The following ABHD12 variants were observed in gnomAD, a reference collection of about 807,000 sequenced individuals.
The protein encoded by ABHD12 is lysophosphatidylserine lipase ABHD12.
In ABHD12, 43 loss-of-function variants were observed where a neutral mutation model predicts 58.3. That is an observed-to-expected ratio of 0.74 (90% CI 0.58 to 0.95). ABHD12 has a LOEUF of 0.95. ABHD12 is among the 40% of genes least tolerant of loss of function. The probability of loss-of-function intolerance (pLI) is 0.00; values close to 1 mark genes in which losing one functional copy is unlikely to be tolerated. For synonymous variants in ABHD12, 219 were observed against 211.2 expected, an observed-to-expected ratio of 1.04 and a Z score of -0.32; for missense variants, 539 against 537.2, an observed-to-expected ratio of 1.00 and a Z score of -0.03.
intron 1 of ABHD12, chr20:25,368,184 A>G (rs993567440): frequency 2.8e-6 from 3 of 1,062,400 alleles, no homozygotes; most frequent in African/African-American, 3.1e-5. Flanking sequence ...CAAAGATTCT[A>G]GGATACTGAG....
At chr20:25,342,666 A>AGC (rs2089470357) in intron 1 of ABHD12, among the ~76,000 whole-genome samples, 1 of 152,090 alleles carries the variant, frequency 6.6e-6, no homozygotes, top group Non-Finnish European at 1.5e-5. Context: ...TGGCACAATT[A>AGC]TAGCTCACTG....
chr20:25,355,803 G>A (rs759275958), intron 1 of ABHD12, among the ~76,000 whole-genome samples: 32 of 152,078 alleles, frequency 2.1e-4, no homozygotes, highest in Admixed American at 1.0e-3. Context: ...GTGATCCACC[G>A]GCCTCAGCCT....
intron 1 of ABHD12, among the ~76,000 whole-genome samples, chr20:25,342,711 A>G (rs1296898601): frequency 6.6e-6 from 1 of 152,020 alleles, no homozygotes; most frequent in Non-Finnish European, 1.5e-5. Flanking sequence ...CCATCCTCCC[A>G]CCTTGGCCTC....
At chr20:25,368,078 T>C (rs977554842) in intron 1 of ABHD12, among the ~76,000 whole-genome samples, 1 of 152,240 alleles carries the variant, frequency 6.6e-6, no homozygotes, top group African/African-American at 2.4e-5. Flanking sequence ...TGTTATTTTG[T>C]TTTTATTCAT....
Position 25,309,547 on chromosome 20 carries a change from A to G in ABHD12, c.648T>C (p.Ser216=), listed in dbSNP as rs770826116. ...RGWGDSVGTP[S]ERGMTYDALH... ...GTGCGTCATAGGTCATGCCCCGCTC[A>G]GATGGCGTTCCCACTGAGTCACCCC... The change falls in exon 7 of 13, where the codon TCT becomes TCC. Residue 216 remains serine (S), a synonymous_variant. Coordinates refer to ENST00000339157, the MANE Select transcript of ABHD12 (RefSeq NM_001042472.3). 2 of 1,614,178 alleles carry G rather than the reference A, an allele frequency of 1.2e-6. No homozygotes were observed. Among genetic ancestry groups the G allele is most frequent in the Non-Finnish European group, 1.7e-6 (2 of 1,180,008 alleles).
chr20:25,309,602 G>A (rs1408062836), intron 6 of ABHD12, 27 bp from the exon 7 acceptor site: 2 of 1,613,424 alleles, frequency 1.2e-6, no homozygotes, highest in African/African-American at 2.7e-5. Context: ...GCAGGACGGG[G>A]AGGTCAAAGG....
At position 25,308,506 on chromosome 20, in the gene ABHD12, G is replaced by GA; in HGVS notation, c.750-13dup. ...GATTTGTCGCCACGCTAGGAAAAAA[G>GA]AAAAACAGCTTAGTTGAGTTATGAT... is the stretch of plus-strand genomic sequence containing the variant. On this transcript the variant is annotated splice_polypyrimidine_tract_variant and intron_variant, in intron 7 of 12. Transcript: ENST00000339157. 2.5e-6 allele frequency: 4 copies of GA among 1,607,472 alleles called. No individual in the cohort carries two copies. The highest frequency in any genetic ancestry group is 3.4e-6 in the Non-Finnish European group (4 of 1,176,688).
At position 25,302,304 on chromosome 20, in the gene ABHD12, T is replaced by C; in HGVS notation, c.1072A>G (p.Lys358Glu). ...AAPARSFRDF[K>E]VQFVPFHSDL... ...GAATGAAAGGGCACAAACTGAACTT[T>C]GAAATCTCGGAAGCTTCGAGCTGGT... Residue 358 changes from lysine to glutamate, a missense_variant, in exon 12 of 13, where the codon AAA becomes GAA. By Grantham distance (56) the Lys-to-Glu change is moderately conservative. Transcript: ENST00000339157. 1 of 1,613,838 alleles carries C rather than the reference T, an allele frequency of 6.2e-7. No homozygotes were observed. Among genetic ancestry groups the C allele is most frequent in the Middle Eastern group, 1.7e-4 (1 of 5,838 alleles).
chr20:25,298,502 G>T (rs1245476788), downstream of ABHD12, among the ~76,000 whole-genome samples: 2 of 152,230 alleles, frequency 1.3e-5, no homozygotes, highest in South Asian at 4.2e-4. Flanking sequence ...TGATCCGCCC[G>T]CCTCAGCCTC....
chr20:25,353,861 C>T (rs920393375), intron 1 of ABHD12, among the ~76,000 whole-genome samples: 4 of 152,210 alleles, frequency 2.6e-5, no homozygotes, highest in African/African-American at 7.2e-5. Context: ...AACGTCAGGC[C>T]GTGGTTTCTG....
intron 11 of ABHD12, chr20:25,303,132 G>A: frequency 3.9e-6 from 3 of 772,610 alleles, no homozygotes; most frequent in Non-Finnish European, 3.4e-6. Flanking sequence ...TTTTGACTGT[G>A]ACCCCTGCAA....
chr20:25,336,451 A>G (rs977366129), intron 2 of ABHD12, among the ~76,000 whole-genome samples: 1 of 152,192 alleles, frequency 6.6e-6, no homozygotes, highest in Non-Finnish European at 1.5e-5. Context: ...ATTTGGTTTC[A>G]GATAGATTTG....
At chr20:25,383,954 C>CAAAAAAAAA (rs1201588127) in intron 1 of ABHD12, among the ~76,000 whole-genome samples, 394 of 52,678 alleles carry the variant, frequency 7.5e-3, no homozygotes, top group East Asian at 0.026. Flanking sequence ...GACTCTTTCT[C>CAAAAAAAAA]AAAAAAAAAA....
chr20:25,358,746 T>A (rs768497357), intron 1 of ABHD12, among the ~76,000 whole-genome samples: 5 of 152,092 alleles, frequency 3.3e-5, no homozygotes, highest in Admixed American at 6.5e-5. Flanking sequence ...CTTGTCCATA[T>A]CGGCCACCCC....
chr20:25,309,316 G>A, intron 7 of ABHD12, 130 bp downstream of exon 7: 1 of 1,346,010 alleles, frequency 7.4e-7, no homozygotes, highest in Non-Finnish European at 1.0e-6. Context: ...CCATGGGGAT[G>A]GGAGCGAGGC....
intron 3 of ABHD12, among the ~76,000 whole-genome samples, chr20:25,321,084 A>G (rs2089057710): frequency 6.6e-6 from 1 of 152,202 alleles, no homozygotes; most frequent in Non-Finnish European, 1.5e-5. Flanking sequence ...TATTTTCTAG[A>G]TCTTAAGCTT....
chr20:25,307,369 C>A (rs1236778746), intron 9 of ABHD12, among the ~76,000 whole-genome samples: 3 of 152,230 alleles, frequency 2.0e-5, no homozygotes, highest in African/African-American at 7.2e-5. Context: ...CAGCATGAGG[C>A]CAGCATGGGC....
downstream of ABHD12, among the ~76,000 whole-genome samples, chr20:25,299,810 G>A (rs150460605): frequency 6.5e-4 from 99 of 152,316 alleles, 1 homozygote; most frequent in East Asian, 0.017. Flanking sequence ...GGGACCAGGA[G>A]CTGGGGCACA....
intron 1 of ABHD12, chr20:25,339,797 G>A (rs888946709): frequency 6.8e-5 from 83 of 1,227,810 alleles, no homozygotes; most frequent in Non-Finnish European, 8.3e-5. Context: ...TAGGAAGCAC[G>A]TAGACCAAGG....
Sources: allele counts gnomAD v4.1 joint callset (sites outside exome capture counted in the v4.1 genomes callset), GRCh38; gene constraint gnomAD v4.1.1; transcripts MANE v1.5; gene names NCBI Gene and HGNC (gene_info 2026-07-23, HGNC 2026-07-21).